CORO7: variants seen among roughly 807,000 people sequenced by gnomAD.
CORO7 encodes coronin-7.
In CORO7, 107 loss-of-function variants were observed where a neutral mutation model predicts 126.6. The observed-to-expected ratio is 0.85, with a 90% CI of 0.72 to 0.99. CORO7 has a LOEUF of 0.99. Among genes scored for constraint, CORO7 ranks in the 50% least tolerant of loss-of-function variants. The probability of loss-of-function intolerance (pLI) is 0.00; values close to 1 mark genes in which losing one functional copy is unlikely to be tolerated. For synonymous variants in CORO7, 603 were observed against 536.8 expected, an observed-to-expected ratio of 1.12 and a Z score of -1.70; for missense variants, 1,314 against 1,255.8, an observed-to-expected ratio of 1.05 and a Z score of -0.70.
intron 6 of CORO7, among the ~76,000 whole-genome samples, chr16:4,404,563 C>T (rs561976760): frequency 2.0e-5 from 3 of 152,292 alleles, no homozygotes; most frequent in South Asian, 4.1e-4. Context: ...CAGGTACCGC[C>T]GGCAGCTCAG....
chr16:4,391,002 C>G (rs1331820518), intron 7 of CORO7, among the ~76,000 whole-genome samples: 1 of 152,234 alleles, frequency 6.6e-6, no homozygotes, highest in Non-Finnish European at 1.5e-5. Context: ...TGCCCAGCCA[C>G]TCCCCAATGT....
intron 5 of CORO7, among the ~76,000 whole-genome samples, chr16:4,406,816 T>G (rs574745881): frequency 6.6e-6 from 1 of 151,734 alleles, no homozygotes. Context: ...AGTTTTTGTA[T>G]TTTTAGTAGA....
At chr16:4,405,427 C>T in intron 6 of CORO7, 64 bp downstream of exon 6, 1 of 1,544,322 alleles carries the variant, frequency 6.5e-7, no homozygotes. Flanking sequence ...AGGCCCAGCC[C>T]AGGGGGTCCC....
chr16:4,392,739 A>G (rs1332284275), intron 7 of CORO7, among the ~76,000 whole-genome samples: 1 of 152,212 alleles, frequency 6.6e-6, no homozygotes, highest in Admixed American at 6.5e-5. Context: ...CCTGGCTGCC[A>G]GCAGCGGTTT....
chr16:4,382,761 GGTCCCCTTGGA>G, intron 9 of CORO7: 1 of 1,563,628 alleles, frequency 6.4e-7, no homozygotes, highest in Non-Finnish European at 8.7e-7. Flanking sequence ...AGGGAGTGAA[GGTCCCCTTGGA>G]GCCAGGCCCG....
rs908581478 is a variant in CORO7 at position 4,354,857 on chromosome 16, G to A, written c.*301C>T. ...CAGCCCAGGTCAGCAGTGAGACCAGGGGAGACAGGGTGCCCAGGGCCTGCC... is the reference window on the plus strand; with the variant it reads ...CAGCCCAGGTCAGCAGTGAGACCAGAGGAGACAGGGTGCCCAGGGCCTGCC... On this transcript the variant is annotated 3_prime_UTR_variant, in exon 28 of 28. Coordinates refer to ENST00000251166, the MANE Select transcript of CORO7 (RefSeq NM_024535.5). The A allele has an allele frequency of 9.8e-6, 4 of 407,672 alleles. No individual in the cohort carries two copies. The highest frequency in any genetic ancestry group is 8.1e-5 in the African/African-American group (4 of 49,488). 25.3% of individuals were successfully genotyped at this position (407,672 alleles called of 1,614,324 possible).
At chr16:4,386,945 C>A (rs369465473) in intron 9 of CORO7, among the ~76,000 whole-genome samples, 12 of 152,204 alleles carry the variant, frequency 7.9e-5, no homozygotes, top group African/African-American at 2.9e-4. Context: ...CATACCCTTG[C>A]TGCTCCCAGA....
At chr16:4,382,196 A>T (rs769900392) in intron 9 of CORO7, 4 of 1,602,210 alleles carry the variant, frequency 2.5e-6, no homozygotes, top group Non-Finnish European at 3.4e-6. Context: ...ACGGGCCTGT[A>T]CTGTGAGAGC....
chr16:4,404,668 A>G (rs1175865563), intron 6 of CORO7, among the ~76,000 whole-genome samples: 1 of 151,992 alleles, frequency 6.6e-6, no homozygotes, highest in East Asian at 1.9e-4. Flanking sequence ...TCCCCGTCCC[A>G]GTGACAGGCC....
intron 9 of CORO7, among the ~76,000 whole-genome samples, chr16:4,369,486 A>G (rs1425470365): frequency 6.6e-6 from 1 of 152,200 alleles, no homozygotes; most frequent in East Asian, 1.9e-4. Flanking sequence ...TCCCAGGCAT[A>G]AAGTTATAGA....
Position 4,412,065 on chromosome 16 carries a change from C to T in CORO7, c.232+291G>A, listed in dbSNP as rs575726540. Reference sequence around the variant, plus strand: ...TCAGAGCCATCCAACGTGGAGTCCTCGGCAGGGACAGGGAGCCAGCATCAG... The same window carrying T: ...TCAGAGCCATCCAACGTGGAGTCCTTGGCAGGGACAGGGAGCCAGCATCAG... On this transcript the variant is annotated intron_variant, in intron 3 of 27. Transcript: ENST00000251166. Among the ~76,000 whole-genome samples the T allele has an allele frequency of 2.7e-3, 403 of 152,022 alleles. 4 individuals are homozygous for T. Among genetic ancestry groups the T allele is most frequent in the African/African-American group, 9.1e-3 (376 of 41,456 alleles).
rs756124086 is a variant in CORO7 at position 4,359,666 on chromosome 16, G to C, written c.2109-45C>G. 1.4e-5 allele frequency: 21 copies of C among 1,546,848 alleles called. No homozygotes were observed. In the African/African-American group the frequency reaches 2.2e-4, roughly 16 times the overall value. ...CTGAAGCAGGTGTTTCAGAGCTGAA[G>C]GGGCCTGGGGCAGGGAGAAGGCGCC... is the stretch of plus-strand genomic sequence containing the variant. On this transcript the variant is annotated intron_variant, in intron 21 of 27. Transcript: ENST00000251166.
At chr16:4,392,794 G>C (rs550935793) in intron 7 of CORO7, among the ~76,000 whole-genome samples, 3 of 152,356 alleles carry the variant, frequency 2.0e-5, no homozygotes, top group Admixed American at 6.5e-5. Context: ...GGGCGGAAGT[G>C]GGGGGCAGGG....
In CORO7 at chr16:4,361,159, G is replaced by A. The variant is rs368097165; in HGVS notation, c.1774+3C>T. ...CCCAGCCCCATTCCTGAGCCTGCCT[G>A]ACCTGTGAGCACAGTCTCTGGCGTG... On this transcript the variant is annotated splice_donor_region_variant and intron_variant, in intron 18 of 27. Coordinates refer to ENST00000251166, the MANE Select transcript of CORO7 (RefSeq NM_024535.5). 2 of 1,613,066 alleles carry A rather than the reference G, an allele frequency of 1.2e-6. No individual in the cohort carries two copies. Among genetic ancestry groups the A allele is most frequent in the African/African-American group, 2.7e-5 (2 of 74,950 alleles).
intron 1 of CORO7, 136 bp downstream of exon 1, chr16:4,416,323 G>T: frequency 7.9e-7 from 1 of 1,266,344 alleles, no homozygotes; most frequent in Non-Finnish European, 1.0e-6. Context: ...GCCCTGGCCT[G>T]AAGGGGGGTT....
chr16:4,393,961 C>G (rs888010945), intron 7 of CORO7, among the ~76,000 whole-genome samples: 1 of 151,878 alleles, frequency 6.6e-6, no homozygotes, highest in African/African-American at 2.4e-5. Context: ...ATTAGCCGGG[C>G]ATGGTGGCGG....
At chr16:4,374,404 T>G (rs1596295942) in intron 9 of CORO7, among the ~76,000 whole-genome samples, 1 of 149,102 alleles carries the variant, frequency 6.7e-6, no homozygotes, top group East Asian at 2.0e-4. Context: ...GGGCAGGGGG[T>G]GGGGGCAGGC....
At chr16:4,381,537 C>G in intron 9 of CORO7, 1 of 1,604,558 alleles carries the variant, frequency 6.2e-7, no homozygotes, top group Non-Finnish European at 8.5e-7. Context: ...ACCTCCACGA[C>G]CTGGATGTGT....
intron 26 of CORO7, among the ~76,000 whole-genome samples, chr16:4,356,142 G>A (rs1314973408): frequency 1.3e-5 from 2 of 151,720 alleles, no homozygotes; most frequent in Admixed American, 1.3e-4. Context: ...TAGTAGAGAC[G>A]AGGTTTCATC....
Sources: allele counts gnomAD v4.1 joint callset (sites outside exome capture counted in the v4.1 genomes callset), GRCh38; gene constraint gnomAD v4.1.1; transcripts MANE v1.5; gene names NCBI Gene and HGNC (gene_info 2026-07-23, HGNC 2026-07-21).